The following POU3F3 variants were observed in gnomAD, a reference collection of about 807,000 sequenced individuals.
POU3F3 encodes the protein POU class 3 homeobox 3.
Under a neutral mutation model 8.6 loss-of-function variants are expected in POU3F3, and 1 was observed. The observed-to-expected ratio is 0.12, with a 90% CI of 0.04 to 0.55. The LOEUF (loss-of-function observed/expected upper bound fraction) is 0.55. Ranked by LOEUF, POU3F3 falls within the 20% of genes least tolerant of loss-of-function variation. The pLI, the probability that POU3F3 is intolerant of heterozygous loss-of-function variation, is 0.91. For missense variants in POU3F3, 577 were observed against 690.7 expected, an observed-to-expected ratio of 0.84 and a Z score of 1.84; for synonymous variants, 418 against 327.4, an observed-to-expected ratio of 1.28 and a Z score of -2.99.
At chr2:104,900,728 C>A in the POU3F3 span, among the ~76,000 whole-genome samples, 4 of 152,150 alleles carry the variant, frequency 2.6e-5, no homozygotes, top group Admixed American at 2.6e-4. Context: ...TGTGGCAAAT[C>A]AATGTATTTT....
the POU3F3 span, among the ~76,000 whole-genome samples, chr2:104,919,033 A>G: frequency 0.74 from 112,542 of 151,380 alleles, 43,053 homozygotes; most frequent in African/African-American, 0.93. Flanking sequence ...CACCACGCCC[A>G]GCTAATTTTG....
rs536599645 is a variant in POU3F3, at chr2:104,855,738, C to T, written c.228C>T (p.Asp76=). The stretch of plus-strand genomic sequence containing the variant: ...CCTCTGTCAAGATGGTCCAGAGCGA[C>T]TTCATGCAGGGGGCCATGGCCGCCA... ...DPSSVKMVQS[D]FMQGAMAASN... is the part of the protein sequence containing the mutation. Residue 76 remains aspartate, a synonymous_variant, in exon 1 of 1, where the codon GAC becomes GAT. Transcript: ENST00000361360. 5.4e-6 allele frequency: 7 copies of T among 1,307,462 alleles called. No homozygotes were observed. The East Asian group carries it at 3.4e-4, about 64-fold the overall frequency. 81.0% of individuals were successfully genotyped at this position (1,307,462 alleles called of 1,614,324 possible). A position where few individuals can be genotyped will look rare whatever the true frequency, so the allele number is the denominator to read the frequency against.
rs1171926234 is a variant in POU3F3, at chr2:104,857,715, A to G, written c.*702A>G. On this transcript the variant is annotated 3_prime_UTR_variant, in exon 1 of 1. Coordinates refer to ENST00000361360, the MANE Select transcript of POU3F3 (RefSeq NM_006236.3). ...TTGGCCATATTAAAGTCATTTGGAA[A>G]CAAATCAACTCTGAAATGGGAAGGA... The G allele has an allele frequency of 6.5e-6, 1 of 153,300 alleles. No homozygotes were observed. The highest frequency in any genetic ancestry group is 2.4e-5 in the African/African-American group (1 of 41,412). 9.5% of individuals were successfully genotyped at this position (153,300 alleles called of 1,614,324 possible).
chr2:104,920,408 C>T, the POU3F3 span, among the ~76,000 whole-genome samples: 1 of 152,132 alleles, frequency 6.6e-6, no homozygotes, highest in African/African-American at 2.4e-5. Context: ...CCCCTTCCAT[C>T]CCTGCTTGCC....
the POU3F3 span, among the ~76,000 whole-genome samples, chr2:104,874,995 T>C: frequency 6.6e-6 from 1 of 152,224 alleles, no homozygotes; most frequent in South Asian, 2.1e-4. Flanking sequence ...ATAATTCCCA[T>C]TTTCCCCTGC....
chr2:104,878,044 A>AC, the POU3F3 span, among the ~76,000 whole-genome samples: 1 of 152,000 alleles, frequency 6.6e-6, no homozygotes. Flanking sequence ...AGGTTCCTTC[A>AC]CCCTCCTGGA....
chr2:104,919,577 GT>G, the POU3F3 span, among the ~76,000 whole-genome samples: 1 of 152,184 alleles, frequency 6.6e-6, no homozygotes, highest in African/African-American at 2.4e-5. Context: ...AATTAACCAA[GT>G]TTTTAAGCCT....
At chr2:104,910,553 G>A in the POU3F3 span, among the ~76,000 whole-genome samples, 1 of 152,098 alleles carries the variant, frequency 6.6e-6, no homozygotes, top group Non-Finnish European at 1.5e-5. Flanking sequence ...CTAATGTGAG[G>A]GTTAATTGAG....
chr2:104,922,470 A>G, the POU3F3 span, among the ~76,000 whole-genome samples: 1 of 152,052 alleles, frequency 6.6e-6, no homozygotes, highest in African/African-American at 2.4e-5. Context: ...GAAAATATCA[A>G]TAGAAGAAAC....
chr2:104,855,728 TC>T lies in POU3F3; in HGVS notation c.220del (p.Gln74ArgfsTer18). On this transcript the variant is annotated frameshift_variant, in exon 1 of 1. Transcript: ENST00000361360. LOFTEE classifies it low-confidence loss of function (END_TRUNC). Reference sequence around the variant, plus strand: ...GGGGACCCGTCCTCTGTCAAGATGGTCCAGAGCGACTTCATGCAGGGGGCCA... The same window carrying T: ...GGGGACCCGTCCTCTGTCAAGATGGTCAGAGCGACTTCATGCAGGGGGCCA... ...YRGDPSSVKMVQSDFMQGAMA... is the reference protein window; with the variant it reads ...YRGDPSSVKMXQSDFMQGAMA... 7.7e-7 allele frequency: 1 copy of T among 1,290,658 alleles called. No homozygotes were observed. Among genetic ancestry groups the T allele is most frequent in the Non-Finnish European group, 1.0e-6 (1 of 995,356 alleles). 80.0% of individuals were successfully genotyped at this position (1,290,658 alleles called of 1,614,324 possible).
chr2:104,865,387 C>CA, the POU3F3 span: 1 of 152,144 alleles, frequency 6.6e-6, no homozygotes, highest in Non-Finnish European at 1.5e-5. Context: ...GACATGATTA[C>CA]ATAGGACAAA....
the POU3F3 span, among the ~76,000 whole-genome samples, chr2:104,892,196 C>T: frequency 6.6e-6 from 1 of 152,146 alleles, no homozygotes; most frequent in Non-Finnish European, 1.5e-5. Flanking sequence ...GTGAGGCATA[C>T]TTTCTAACTC....
rs1353915608 is a variant in POU3F3 at position 104,855,978 on chromosome 2, C to G, written c.468C>G (p.Asp156Glu). Residue 156 changes from aspartate (D) to glutamate (E), a missense_variant, in exon 1 of 1, where the codon GAC (aspartate) becomes GAG (glutamate). Physicochemically the swap from Asp to Glu is conservative, Grantham distance 45. Transcript: ENST00000361360. ...GPDVKGGAGR[D>E]DLHAGTALHH... is the part of the protein sequence containing the mutation. ...ACGTGAAGGGCGGCGCCGGGCGCGA[C>G]GACCTGCACGCGGGCACAGCGCTGC... 9 of 1,035,354 alleles carry G rather than the reference C, an allele frequency of 8.7e-6. No individual in the cohort carries two copies. Among genetic ancestry groups the G allele is most frequent in the Non-Finnish European group, 1.0e-5 (9 of 863,526 alleles). 64.1% of individuals were successfully genotyped at this position (1,035,354 alleles called of 1,614,324 possible).
chr2:104,907,134 A>G, the POU3F3 span, among the ~76,000 whole-genome samples: 2 of 151,882 alleles, frequency 1.3e-5, no homozygotes, highest in Non-Finnish European at 2.9e-5. Flanking sequence ...TCTCTCTAAC[A>G]TGCCAAGCTC....
the POU3F3 span, among the ~76,000 whole-genome samples, chr2:104,881,145 TCTTTC>T: frequency 6.9e-6 from 1 of 145,800 alleles, no homozygotes. Flanking sequence ...TTTCTTTCTT[TCTTTC>T]CTTTCTTTCC....
At chr2:104,862,798 T>C (rs1252533429), downstream of POU3F3, among the ~76,000 whole-genome samples, 1 of 152,196 alleles carries the variant, frequency 6.6e-6, no homozygotes, top group Non-Finnish European at 1.5e-5. Context: ...GCAAGCTTTT[T>C]GTATTCTCAT....
At chr2:104,867,882 C>T in the POU3F3 span, 1 of 187,420 alleles carries the variant, frequency 5.3e-6, no homozygotes, top group African/African-American at 2.4e-5. The surrounding 1 kb of genome is among the most constrained non-coding windows in gnomAD (Gnocchi z 5.0). Flanking sequence ...TTGGGCATTT[C>T]CCAGCAGCCA....
At chr2:104,869,534 C>A in the POU3F3 span, among the ~76,000 whole-genome samples, 3 of 152,330 alleles carry the variant, frequency 2.0e-5, no homozygotes, top group Admixed American at 1.3e-4. Context: ...CAAATAGCTT[C>A]TGGTATTGTG....
At chr2:104,862,330 T>A (rs1290111460), downstream of POU3F3, among the ~76,000 whole-genome samples, 2 of 152,180 alleles carry the variant, frequency 1.3e-5, no homozygotes, top group Non-Finnish European at 2.9e-5. Context: ...CGGCACGATG[T>A]GTGCGCTAGT....
Sources: gnomAD v4.1 joint callset for allele counts (sites outside exome capture counted in the v4.1 genomes callset) on GRCh38, gnomAD v4.1.1 for gene constraint, Gnocchi (gnomAD v3.1) non-coding constraint, MANE v1.5 for transcripts, NCBI Gene and HGNC (gene_info 2026-07-23, HGNC 2026-07-21) for gene names.